COP1: variants seen among roughly 807,000 people sequenced by gnomAD.
COP1 encodes the protein E3 ubiquitin-protein ligase COP1.
COP1 carries 24 observed loss-of-function variants against 101.3 expected under a neutral mutation model. The ratio of observed to expected loss-of-function variants is 0.24; its 90% confidence interval spans 0.17 to 0.33. The LOEUF (loss-of-function observed/expected upper bound fraction) is 0.33. Ranked by LOEUF, COP1 falls within the 10% of genes least tolerant of loss-of-function variation. COP1 has a pLI of 1.00. For missense variants in COP1, 663 were observed against 906.2 expected, an observed-to-expected ratio of 0.73 and a Z score of 3.45; for synonymous variants, 347 against 341.9, an observed-to-expected ratio of 1.01 and a Z score of -0.17.
In COP1 at chr1:176,165,566, G is replaced by A. The variant is rs12408472; in HGVS notation, c.566-1675C>T. ...AAAAATTAGCCTGACATGGTGGCAC[G>A]TGCCTGTAGTCTCAGCTACTCGGGA... is the stretch of plus-strand genomic sequence containing the variant. On this transcript the variant is annotated intron_variant, in intron 3 of 19. Transcript: ENST00000367669. Among the ~76,000 whole-genome samples, 894 of 152,162 alleles carry A rather than the reference G, an allele frequency of 5.9e-3. 57 individuals are homozygous for A. Among genetic ancestry groups the A allele is most frequent in the Admixed American group, 0.052 (792 of 15,272 alleles).
intron 15 of COP1, among the ~76,000 whole-genome samples, chr1:176,007,653 CTCAGGGG>C (rs1276581061): frequency 1.2e-4 from 18 of 152,180 alleles, no homozygotes; most frequent in Admixed American, 9.2e-4. Context: ...AGTTAGGCTG[CTCAGGGG>C]TCAGGGGTCA....
intron 7 of COP1, among the ~76,000 whole-genome samples, chr1:176,136,211 T>C (rs1689763330): frequency 6.6e-6 from 1 of 152,138 alleles, no homozygotes; most frequent in Non-Finnish European, 1.5e-5. Context: ...TTTTAAGTTA[T>C]GATGGCACTC....
chr1:175,949,188 A>AAAAAAAAAG (rs1325180505), intron 18 of COP1, among the ~76,000 whole-genome samples: 1 of 147,848 alleles, frequency 6.8e-6, no homozygotes, highest in South Asian at 2.1e-4. Flanking sequence ...AAAAAAAAAA[A>AAAAAAAAAG]AAAATGAACA....
chr1:176,205,115 CAT>C (rs1700696338), intron 1 of COP1, among the ~76,000 whole-genome samples: 1 of 152,152 alleles, frequency 6.6e-6, no homozygotes, highest in South Asian at 2.1e-4. Flanking sequence ...CGGAGGCTAA[CAT>C]GTTTGTGTTC....
chr1:176,070,703 G>C (rs991745841), intron 11 of COP1, among the ~76,000 whole-genome samples: 1 of 152,142 alleles, frequency 6.6e-6, no homozygotes, highest in African/African-American at 2.4e-5. Context: ...CCAGACTGGA[G>C]TGTAGTAGTG....
At chr1:176,096,082 T>G (rs1411950932) in intron 9 of COP1, among the ~76,000 whole-genome samples, 1 of 152,190 alleles carries the variant, frequency 6.6e-6, no homozygotes, top group African/African-American at 2.4e-5. Context: ...TTCCTCATCC[T>G]TCTAGGTGTC....
At chr1:176,088,990 A>T (rs2481643) in intron 9 of COP1, among the ~76,000 whole-genome samples, 143,383 of 145,514 alleles carry the variant, frequency 0.99, 70,692 homozygotes, top group Non-Finnish European at 1. Flanking sequence ...AGCAAAACTC[A>T]GTCTCCAAAA....
At chr1:176,010,809 C>G (rs933514717) in intron 15 of COP1, among the ~76,000 whole-genome samples, 1 of 152,128 alleles carries the variant, frequency 6.6e-6, no homozygotes, top group East Asian at 1.9e-4. Context: ...TAACAAAAAC[C>G]ATACAAATAC....
intron 9 of COP1, among the ~76,000 whole-genome samples, chr1:176,115,958 G>A (rs181608062): frequency 3.3e-5 from 5 of 152,182 alleles, no homozygotes; most frequent in South Asian, 4.1e-4. Context: ...AAGTTTCAAC[G>A]TAATGAAGCG....
intron 9 of COP1, among the ~76,000 whole-genome samples, chr1:176,086,357 C>G (rs1416242836): frequency 6.6e-6 from 1 of 151,574 alleles, no homozygotes; most frequent in African/African-American, 2.4e-5. Flanking sequence ...TCCCAAGTAG[C>G]TGGGACTACA....
At chr1:176,081,939 A>G (rs1167542847) in intron 10 of COP1, among the ~76,000 whole-genome samples, 1 of 152,202 alleles carries the variant, frequency 6.6e-6, no homozygotes, top group Non-Finnish European at 1.5e-5. Context: ...CTGAAATATG[A>G]AAAACAATAA....
chr1:176,046,154 A>T (rs757298593), intron 12 of COP1, 27 bp downstream of exon 12: 6 of 1,575,394 alleles, frequency 3.8e-6, no homozygotes, highest in Non-Finnish European at 4.3e-6. Context: ...TCTATACTGC[A>T]TCATGTCAAG....
rs577233261 is a variant in COP1, at chr1:176,181,734, G to A, written c.467+2899C>T. On this transcript the variant is annotated intron_variant, in intron 2 of 19. Transcript: ENST00000367669. ...CACACGCCTGTAATCCCAGCTACTC[G>A]GGAGGCTGAGGCAGGAGAATCGCTG... Among the ~76,000 whole-genome samples the A allele has an allele frequency of 2.8e-3, 420 of 152,072 alleles. 2 individuals are homozygous for A. The highest frequency in any genetic ancestry group is 9.8e-3 in the African/African-American group (408 of 41,480).
intron 9 of COP1, among the ~76,000 whole-genome samples, chr1:176,112,003 G>C (rs1685374701): frequency 6.6e-6 from 1 of 152,132 alleles, no homozygotes; most frequent in South Asian, 2.1e-4. Flanking sequence ...CATGTACCAT[G>C]CATACAGTGA....
intron 15 of COP1, among the ~76,000 whole-genome samples, chr1:176,007,754 A>C (rs1663687310): frequency 6.6e-6 from 1 of 152,146 alleles, no homozygotes; most frequent in East Asian, 1.9e-4. Flanking sequence ...CAAAGCTGTC[A>C]GACAGGGACA....
chr1:176,132,604 A>G (rs1689088681), intron 8 of COP1, among the ~76,000 whole-genome samples: 1 of 126,856 alleles, frequency 7.9e-6, no homozygotes, highest in African/African-American at 3.0e-5. Context: ...ACACATATGT[A>G]CGTATATATA....
At chr1:176,204,792 G>C (rs759498328) in intron 1 of COP1, among the ~76,000 whole-genome samples, 3 of 152,144 alleles carry the variant, frequency 2.0e-5, no homozygotes, top group African/African-American at 7.2e-5. Flanking sequence ...AGGTGTGGTG[G>C]CAGGTGCCTG....
At position 175,949,168 on chromosome 1, in the gene COP1, C is replaced by CAAAAAA. The variant is rs56280543; in HGVS notation, c.2134-1935_2134-1930dup. Among the ~76,000 whole-genome samples the CAAAAAA allele has an allele frequency of 3.3e-3, 143 of 43,150 alleles. 22 individuals are homozygous for CAAAAAA. Among genetic ancestry groups the CAAAAAA allele is most frequent in the African/African-American group, 7.1e-3 (69 of 9,714 alleles). 28.3% of individuals were successfully genotyped at this position (43,150 alleles called of 152,430 possible). A position where few individuals can be genotyped will look rare whatever the true frequency, so the allele number is the denominator to read the frequency against. On this transcript the variant is annotated intron_variant, in intron 18 of 19. Coordinates refer to ENST00000367669, the MANE Select transcript of COP1 (RefSeq NM_022457.7). ...GAGAGACTCCAGCAAGGCTCCGTCT[C>CAAAAAA]AAAAAAAAAAAAAAAAAAAAAAAAT...
chr1:176,197,710 T>A (rs1409105656), intron 1 of COP1, among the ~76,000 whole-genome samples: 1 of 152,180 alleles, frequency 6.6e-6, no homozygotes, highest in Non-Finnish European at 1.5e-5. Flanking sequence ...ATAGGGCATA[T>A]AAATTTAAAA....
Sources: allele counts gnomAD v4.1 joint callset (sites outside exome capture counted in the v4.1 genomes callset), GRCh38; gene constraint gnomAD v4.1.1; transcripts MANE v1.5; gene names NCBI Gene and HGNC (gene_info 2026-07-23, HGNC 2026-07-21).